Variants in RBFOX1 observed in about 807,000 individuals in gnomAD.
The protein encoded by RBFOX1 is RNA binding protein fox-1 homolog 1.
A neutral mutation model predicts 57.7 loss-of-function variants in RBFOX1; 8 were observed. The ratio of observed to expected loss-of-function variants is 0.14; its 90% CI spans 0.08 to 0.25. The LOEUF (loss-of-function observed/expected upper bound fraction) is 0.25. Among genes scored for constraint, RBFOX1 ranks in the 10% least tolerant of loss-of-function variants. The probability of loss-of-function intolerance (pLI) is 1.00; values close to 1 mark genes in which losing one functional copy is unlikely to be tolerated. For synonymous variants in RBFOX1, 326 were observed against 222.4 expected (o/e 1.47, Z -4.15); for missense variants, 611 against 548.5 (o/e 1.11, Z -1.14).
intron 2 of RBFOX1, among the ~76,000 whole-genome samples, chr16:6,579,817 C>G (rs898785275): frequency 2.0e-5 from 3 of 152,136 alleles, no homozygotes; most frequent in Non-Finnish European, 1.5e-5. Context: ...AACTCCTGGT[C>G]TCAAGCTGTC....
chr16:5,641,590 T>A (rs1305417160), intron 3 of RBFOX1, among the ~76,000 whole-genome samples: 1 of 152,176 alleles, frequency 6.6e-6, no homozygotes, highest in African/African-American at 2.4e-5. Context: ...GCAAGTGTGA[T>A]ATGAATGGCA....
rs530466608 is a variant in RBFOX1 at position 7,578,953 on chromosome 16, A to C, written c.271-824A>C. 3.9e-5 allele frequency among the ~76,000 whole-genome samples: 6 copies of C among 152,312 alleles called. No individual in the cohort carries two copies. The East Asian group carries it at 1.2e-3, about 29-fold the overall frequency. ...TTATTTGGAAGACAGGGGAGGTGAA[A>C]CAATCAGTTATGCTGATGATGTTAC... On this transcript the variant is annotated intron_variant, in intron 5 of 15. Coordinates refer to ENST00000550418, the MANE Select transcript of RBFOX1 (RefSeq NM_018723.4).
rs986017646 is a variant in RBFOX1 at position 5,665,532 on chromosome 16, A to T, written c.318+66571A>T. 2.6e-5 allele frequency among the ~76,000 whole-genome samples: 4 copies of T among 152,146 alleles called. 1 individual carries two copies. The highest frequency in any genetic ancestry group is 4.8e-5 in the African/African-American group (2 of 41,432). ...CATTGATAAAATTAAACGGGATTGTATGTTTGCTGTTTCCCTGACCAGCTA... is the reference window on the plus strand; with the variant it reads ...CATTGATAAAATTAAACGGGATTGTTTGTTTGCTGTTTCCCTGACCAGCTA... On this transcript the variant is annotated intron_variant, in intron 3 of 19. Transcript: ENST00000641259.
At chr16:5,826,846 A>T (rs967876193) in intron 3 of RBFOX1, among the ~76,000 whole-genome samples, 1 of 152,174 alleles carries the variant, frequency 6.6e-6, no homozygotes, top group Admixed American at 6.5e-5. Flanking sequence ...GATAGAGTTC[A>T]TCTGACTTGT....
chr16:7,205,787 A>G (rs975242434), intron 4 of RBFOX1, among the ~76,000 whole-genome samples: 1 of 152,228 alleles, frequency 6.6e-6, no homozygotes, highest in Non-Finnish European at 1.5e-5. Context: ...GACTGCAGTG[A>G]TTATCTGTAT....
chr16:6,496,933 C>T (rs757505382), intron 2 of RBFOX1, among the ~76,000 whole-genome samples: 3 of 152,056 alleles, frequency 2.0e-5, no homozygotes, highest in Non-Finnish European at 2.9e-5. Flanking sequence ...GCACTCCAGC[C>T]TGGGCAACAA....
At chr16:7,378,845 T>G (rs1420081412) in intron 4 of RBFOX1, among the ~76,000 whole-genome samples, 1 of 152,146 alleles carries the variant, frequency 6.6e-6, no homozygotes, top group African/African-American at 2.4e-5. Context: ...CAAAAGGACC[T>G]TCCAAAGAGG....
At chr16:6,103,785 G>T (rs966580741) in intron 1 of RBFOX1, among the ~76,000 whole-genome samples, 1 of 152,164 alleles carries the variant, frequency 6.6e-6, no homozygotes, top group African/African-American at 2.4e-5. Context: ...TTTCACCACA[G>T]AGTAGCATGG....
intron 3 of RBFOX1, among the ~76,000 whole-genome samples, chr16:6,998,079 T>G (rs1026587289): frequency 6.6e-6 from 1 of 152,086 alleles, no homozygotes; most frequent in Non-Finnish European, 1.5e-5. Flanking sequence ...AATATAGATA[T>G]AAATATATGT....
chr16:6,979,219 C>T (rs2087954521), intron 3 of RBFOX1, among the ~76,000 whole-genome samples: 1 of 152,078 alleles, frequency 6.6e-6, no homozygotes, highest in African/African-American at 2.4e-5. Flanking sequence ...TCAGTTTTCC[C>T]ACCTGTAAGA....
chr16:6,733,686 A>T (rs1183951182), intron 3 of RBFOX1, among the ~76,000 whole-genome samples: 1 of 152,080 alleles, frequency 6.6e-6, no homozygotes, highest in Non-Finnish European at 1.5e-5. Flanking sequence ...TGAGCCCAGA[A>T]GGTTGAGGCT....
intron 2 of RBFOX1, among the ~76,000 whole-genome samples, chr16:6,358,384 C>A (rs1474598745): frequency 6.6e-6 from 1 of 152,132 alleles, no homozygotes; most frequent in African/African-American, 2.4e-5. Flanking sequence ...GGTGGAGAGC[C>A]ATTGTCAGGC....
In RBFOX1 at chr16:7,490,121, G is replaced by C. The variant is rs149899748; in HGVS notation, c.28-28026G>C. Among the ~76,000 whole-genome samples the C allele has an allele frequency of 8.6e-4, 131 of 152,286 alleles. 1 individual carries two copies. Among genetic ancestry groups the C allele is most frequent in the African/African-American group, 2.7e-3 (114 of 41,556 alleles). Reference sequence around the variant, plus strand: ...CTTTGCCATGTGGCTTCTGAATGGAGGAGGCTGCAGAACTTCCTTCAGTCT... The same window carrying C: ...CTTTGCCATGTGGCTTCTGAATGGACGAGGCTGCAGAACTTCCTTCAGTCT... On this transcript the variant is annotated intron_variant, in intron 4 of 15. Transcript: ENST00000550418.
chr16:7,570,333 G>T (rs1469699278), intron 5 of RBFOX1, among the ~76,000 whole-genome samples: 1 of 152,078 alleles, frequency 6.6e-6, no homozygotes, highest in African/African-American at 2.4e-5. Context: ...AATAGAATTT[G>T]CTACAGTTCT....
chr16:5,653,565 G>C (rs948970969), intron 3 of RBFOX1, among the ~76,000 whole-genome samples: 1 of 152,046 alleles, frequency 6.6e-6, no homozygotes, highest in African/African-American at 2.4e-5. Context: ...AGCCGTATGC[G>C]GGCCTGGGGT....
chr16:5,582,624 C>T (rs1278459139), intron 2 of RBFOX1, among the ~76,000 whole-genome samples: 2 of 135,836 alleles, frequency 1.5e-5, no homozygotes, highest in Non-Finnish European at 3.0e-5. Context: ...GATCTTGGTT[C>T]GCTGCAGTGT....
At chr16:5,640,499 C>T (rs1051903892) in intron 3 of RBFOX1, among the ~76,000 whole-genome samples, 1 of 150,584 alleles carries the variant, frequency 6.6e-6, no homozygotes, top group African/African-American at 2.4e-5. Flanking sequence ...ATATGCACAC[C>T]ATGCATATAC....
At chr16:6,637,424 A>AATAT (rs368128360) in intron 2 of RBFOX1, among the ~76,000 whole-genome samples, 1 of 12,676 alleles carries the variant, frequency 7.9e-5, no homozygotes, top group Admixed American at 2.0e-3. Context: ...ATAATATATA[A>AATAT]ATATATTATA....
chr16:5,742,188 C>T (rs1021841484), intron 3 of RBFOX1, among the ~76,000 whole-genome samples: 3 of 151,668 alleles, frequency 2.0e-5, no homozygotes, highest in African/African-American at 7.3e-5. Flanking sequence ...CCGTCCTTCC[C>T]TTCCTTCCTC....
Sources: gnomAD v4.1 joint callset for allele counts (sites outside exome capture counted in the v4.1 genomes callset) on GRCh38, gnomAD v4.1.1 for gene constraint, MANE v1.5 for transcripts, NCBI Gene and HGNC (gene_info 2026-07-23, HGNC 2026-07-21) for gene names.